KAT7: variants seen among roughly 807,000 people sequenced by gnomAD.
KAT7 encodes histone acetyltransferase KAT7.
In KAT7, 10 loss-of-function variants were observed where a neutral mutation model predicts 82.1. That is an observed-to-expected ratio of 0.12 (90% CI 0.08 to 0.21). The LOEUF is 0.21. KAT7 is among the 10% of genes least tolerant of loss of function. The pLI is 1.00. For missense variants in KAT7, 378 were observed against 760.9 expected (o/e 0.50, Z 5.92); for synonymous variants, 250 against 262.5 (o/e 0.95, Z 0.46).
chr17:49,829,808 ATTT>A lies in KAT7; in HGVS notation c.*2307_*2309del, dbSNP rs2074407768. 2 of 151,946 alleles carry A rather than the reference ATTT, an allele frequency of 1.3e-5. No individual in the cohort carries two copies. Among genetic ancestry groups the A allele is most frequent in the Non-Finnish European group, 2.9e-5 (2 of 68,032 alleles). 9.4% of individuals were successfully genotyped at this position (151,946 alleles called of 1,614,324 possible). Reference sequence around the variant, plus strand: ...TAAAAATAAAAGGATTTATTATCTCATTTAAACCCCCACAGGTGTGGAAACAGA... The same window carrying A: ...TAAAAATAAAAGGATTTATTATCTCAAAACCCCCACAGGTGTGGAAACAGA... On this transcript the variant is annotated 3_prime_UTR_variant, in exon 15 of 15. Coordinates refer to ENST00000259021, the MANE Select transcript of KAT7 (RefSeq NM_007067.5).
chr17:49,801,741 C>T (rs551876134), intron 4 of KAT7, among the ~76,000 whole-genome samples: 4 of 152,344 alleles, frequency 2.6e-5, no homozygotes, highest in African/African-American at 9.6e-5. Context: ...CCTCCCACCT[C>T]AGCCTCCCAA....
chr17:49,791,744 G>A (rs2073892218), intron 1 of KAT7, 142 bp from the exon 2 acceptor site: 4 of 741,952 alleles, frequency 5.4e-6, no homozygotes, highest in Non-Finnish European at 4.6e-6. Flanking sequence ...TGAGGGGGTG[G>A]GAGGATGAGA....
Position 49,811,066 on chromosome 17 carries a change from A to AT in KAT7, c.754-403dup, listed in dbSNP as rs535467622. ...GCATTGTGGCTAGAAAATTTCTGGC[A>AT]TTTTTTTCTCTTTAAAATTTTTTTA... On this transcript the variant is annotated intron_variant, in intron 6 of 14. Coordinates refer to ENST00000259021, the MANE Select transcript of KAT7 (RefSeq NM_007067.5). Among the ~76,000 whole-genome samples, 1,108 of 151,126 alleles carry AT rather than the reference A, an allele frequency of 7.3e-3. 5 individuals are homozygous for AT. The highest frequency in any genetic ancestry group is 0.014 in the Middle Eastern group (4 of 292).
chr17:49,791,895 G>A lies in KAT7; in HGVS notation c.25G>A (p.Gly9Ser). 1.2e-6 allele frequency: 2 copies of A among 1,614,104 alleles called. No individual in the cohort carries two copies. Among genetic ancestry groups the A allele is most frequent in the Non-Finnish European group, 1.7e-6 (2 of 1,179,964 alleles). Residue 9 changes from glycine (G) to serine (S), a missense_variant, in exon 2 of 15, where the codon GGC (glycine) becomes AGC (serine). Coordinates refer to ENST00000259021, the MANE Select transcript of KAT7 (RefSeq NM_007067.5). ...ATCTATGGTATTACAGAGGAATGCA[G>A]GCAGTAGTTCAGATGGAACCGAAGA... MPRRKRNA[G>S]SSSDGTEDSD...
chr17:49,790,397 A>C (rs1049511172), intron 1 of KAT7, among the ~76,000 whole-genome samples: 7 of 152,092 alleles, frequency 4.6e-5, no homozygotes, highest in Admixed American at 2.0e-4. Context: ...GGATTTCACC[A>C]TGTTGGTCAG....
chr17:49,799,070 A>T (rs780799254), intron 4 of KAT7, among the ~76,000 whole-genome samples: 8 of 152,240 alleles, frequency 5.3e-5, no homozygotes, highest in African/African-American at 9.6e-5. Flanking sequence ...AGTATGAACA[A>T]GATAAAATAT....
At chr17:49,805,954 A>G (rs939640735) in intron 5 of KAT7, among the ~76,000 whole-genome samples, 4 of 152,166 alleles carry the variant, frequency 2.6e-5, no homozygotes, top group African/African-American at 7.2e-5. Flanking sequence ...AATTCTTGAA[A>G]CCTAGCTCCT....
Position 49,818,009 on chromosome 17 carries a change from A to G in KAT7, c.1153A>G (p.Met385Val), listed in dbSNP as rs764339628. 8 of 1,613,076 alleles carry G rather than the reference A, an allele frequency of 5.0e-6. No individual in the cohort carries two copies. Among genetic ancestry groups the G allele is most frequent in the South Asian group, 4.4e-5 (4 of 91,056 alleles). The part of the protein sequence containing the change: ...MKSQTILRRH[M>V]AKCVWKHPPG... ...GAGCCAAACGATACTCCGCCGGCAC[A>G]TGGTGAGTTGTCTTGGGTTCCTCTG... Residue 385 changes from methionine (M) to valine (V), a missense_variant and splice_region_variant, in exon 9 of 15, where the codon ATG (methionine) becomes GTG (valine). Physicochemically the swap from Met to Val is conservative, Grantham distance 21. Around this residue, in one of 6 missense-constraint regions of KAT7, gnomAD observed 37 missense variants for 98.6 expected, o/e 0.38. Transcript: ENST00000259021.
At chr17:49,820,872 T>C (rs2074295806) in intron 9 of KAT7, among the ~76,000 whole-genome samples, 1 of 151,820 alleles carries the variant, frequency 6.6e-6, no homozygotes, top group Non-Finnish European at 1.5e-5. Context: ...TTTTTATCAT[T>C]GTGAGTGGGT....
rs1001907319 is a variant in KAT7, at chr17:49,830,526, C to T, written c.*3024C>T. 1 of 152,174 alleles carries T rather than the reference C, an allele frequency of 6.6e-6. No homozygotes were observed. 9.4% of individuals were successfully genotyped at this position (152,174 alleles called of 1,614,324 possible). A position where few individuals can be genotyped will look rare whatever the true frequency, so the allele number is the denominator to read the frequency against. On this transcript the variant is annotated 3_prime_UTR_variant, in exon 15 of 15. Transcript: ENST00000259021. The stretch of plus-strand genomic sequence containing the variant: ...TATCTGCATAACAGAAGCTTAGCTG[C>T]TTAAGCTCCTTTATTAGAAGAGCAA...
At chr17:49,790,323 A>G (rs545542291) in intron 1 of KAT7, among the ~76,000 whole-genome samples, 63 of 152,202 alleles carry the variant, frequency 4.1e-4, no homozygotes, top group Middle Eastern at 3.4e-3. Flanking sequence ...CAGTCTCTCT[A>G]GTAGCTGGGA....
In KAT7 at chr17:49,820,255, C is replaced by A. The variant is rs181084505; in HGVS notation, c.1156-1082C>A. Among the ~76,000 whole-genome samples, 221 of 150,734 alleles carry A rather than the reference C, an allele frequency of 1.5e-3. 5 individuals are homozygous for A. The East Asian group carries it at 0.038, about 26-fold the overall frequency. ...TGACACCCTATCTCAAAAAAAAAAA[C>A]TTTTTTTTATACGTCTATACTTTTT... is the stretch of plus-strand genomic sequence containing the variant. On this transcript the variant is annotated intron_variant, in intron 9 of 14. Transcript: ENST00000259021.
intron 4 of KAT7, among the ~76,000 whole-genome samples, chr17:49,805,050 G>GTTCATAGTC (rs377355398): frequency 3.0e-4 from 46 of 152,262 alleles, no homozygotes; most frequent in African/African-American, 1.1e-3. Context: ...AAGTGTTCCT[G>GTTCATAGTC]TTCATAGTCT....
intron 7 of KAT7, among the ~76,000 whole-genome samples, chr17:49,812,529 A>T (rs2143932432): frequency 6.6e-6 from 1 of 151,956 alleles, no homozygotes; most frequent in South Asian, 2.1e-4. Context: ...CCGGCCTTAA[A>T]CATCTTTTTT....
chr17:49,817,993 G>C lies in KAT7; in HGVS notation c.1137G>C (p.Thr379=). ...GTTTAAAATATATGAAGAGCCAAAC[G>C]ATACTCCGCCGGCACATGGTGAGTT... ...EFCLKYMKSQ[T]ILRRHMAKCV... The change falls in exon 9 of 15, where the codon ACG becomes ACC. Residue 379 remains threonine, a synonymous_variant. Coordinates refer to ENST00000259021, the MANE Select transcript of KAT7 (RefSeq NM_007067.5). The C allele has an allele frequency of 6.2e-7, 1 of 1,613,706 alleles. No homozygotes were observed. Among genetic ancestry groups the C allele is most frequent in the Non-Finnish European group, 8.5e-7 (1 of 1,179,668 alleles).
intron 12 of KAT7, among the ~76,000 whole-genome samples, chr17:49,825,348 T>C (rs957447014): frequency 1.3e-5 from 2 of 152,196 alleles, no homozygotes; most frequent in Non-Finnish European, 1.5e-5. Flanking sequence ...ACTTAAAAAC[T>C]AGGTAGTGAA....
At chr17:49,826,399 C>T (rs1567866606) in intron 13 of KAT7, 1 of 499,586 alleles carries the variant, frequency 2.0e-6, no homozygotes, top group Non-Finnish European at 3.6e-6. Context: ...TCGTTTGGTT[C>T]ATCTTTCTGA....
At chr17:49,803,485 T>C (rs1044457817) in intron 4 of KAT7, among the ~76,000 whole-genome samples, 1 of 152,066 alleles carries the variant, frequency 6.6e-6, no homozygotes, top group Non-Finnish European at 1.5e-5. Flanking sequence ...AGTGCAGTGG[T>C]GCAATCTCGG....
chr17:49,804,002 T>G (rs2074058698), intron 4 of KAT7, among the ~76,000 whole-genome samples: 1 of 152,178 alleles, frequency 6.6e-6, no homozygotes, highest in Non-Finnish European at 1.5e-5. Flanking sequence ...CTTAGGTGTT[T>G]TATAAACCTT....
Sources: allele counts gnomAD v4.1 joint callset (sites outside exome capture counted in the v4.1 genomes callset), GRCh38; gene constraint gnomAD v4.1.1; regional missense constraint gnomAD v4.1.1; transcripts MANE v1.5; gene names NCBI Gene and HGNC (gene_info 2026-07-23, HGNC 2026-07-21).